PRH1: variants seen among roughly 807,000 people sequenced by gnomAD.
The protein encoded by PRH1 is salivary acidic proline-rich phosphoprotein 1/2.
A neutral mutation model predicts 7.9 loss-of-function variants in PRH1; 7 were observed. The observed-to-expected ratio is 0.89, with a 90% confidence interval of 0.50 to 1.67. The LOEUF (loss-of-function observed/expected upper bound fraction) is 1.67. Ranked by LOEUF, PRH1 falls within the 40% of genes most tolerant of loss-of-function variation. PRH1 has a pLI of 0.00. For missense variants in PRH1, 109 were observed against 223.6 expected (o/e 0.49, Z 3.27); for synonymous variants, 45 against 80.8 (o/e 0.56, Z 2.38).
At chr12:11,042,978 G>C (rs1312424599) in intron 1 of PRH1, among the ~76,000 whole-genome samples, 1 of 151,912 alleles carries the variant, frequency 6.6e-6, no homozygotes, top group Non-Finnish European at 1.5e-5. Flanking sequence ...ACCAGACAAA[G>C]ACACATTGAA....
chr12:11,047,905 TCAAA>T (rs2136140567), upstream of PRH1, among the ~76,000 whole-genome samples: 1 of 152,378 alleles, frequency 6.6e-6, no homozygotes, highest in South Asian at 2.1e-4. Context: ...AATTAGAGGT[TCAAA>T]CAATGATAGT....
intron 1 of PRH1, among the ~76,000 whole-genome samples, chr12:11,000,768 T>C (rs1371550125): frequency 6.6e-6 from 1 of 152,156 alleles, no homozygotes; most frequent in Admixed American, 6.6e-5. Flanking sequence ...TCTTTAGGCT[T>C]CTTTCTTTAT....
chr12:11,072,003 C>G (rs79665551), intron 1 of PRH1, among the ~76,000 whole-genome samples: 10 of 151,586 alleles, frequency 6.6e-5, no homozygotes, highest in Non-Finnish European at 1.0e-4. Flanking sequence ...TGAACCAGGC[C>G]TCACTCTTTT....
At chr12:10,931,917 G>A (rs1300325967) in intron 2 of PRH1, among the ~76,000 whole-genome samples, 1 of 151,860 alleles carries the variant, frequency 6.6e-6, no homozygotes, top group East Asian at 1.9e-4. Flanking sequence ...CTTTCACACT[G>A]TCCCTATTAC....
chr12:10,986,928 G>C, intron 1 of PRH1: 1 of 1,145,834 alleles, frequency 8.7e-7, no homozygotes, highest in Non-Finnish European at 1.2e-6. Context: ...TTAATACTCT[G>C]ACCTTAAATT....
intron 1 of PRH1, among the ~76,000 whole-genome samples, chr12:11,139,060 T>A (rs932677346): frequency 3.9e-4 from 60 of 152,160 alleles, no homozygotes; most frequent in African/African-American, 1.4e-3. Context: ...AAGTTTTAAA[T>A]TTTAACTTGT....
At chr12:11,118,126 G>C (rs1238724067), downstream of PRH1, among the ~76,000 whole-genome samples, 2 of 152,048 alleles carry the variant, frequency 1.3e-5, no homozygotes, top group Non-Finnish European at 1.5e-5. Context: ...AAAGTGAAGA[G>C]ACAATCCACA....
At chr12:11,083,531 AACAT>A (rs1465233402) in intron 1 of PRH1, among the ~76,000 whole-genome samples, 1 of 13,102 alleles carries the variant, frequency 7.6e-5, no homozygotes, top group Non-Finnish European at 2.4e-4. Context: ...TGTGAAACAT[AACAT>A]ACATATATAT....
intron 1 of PRH1, among the ~76,000 whole-genome samples, chr12:11,154,939 T>A (rs2136437426): frequency 6.6e-6 from 1 of 152,294 alleles, no homozygotes; most frequent in Admixed American, 6.5e-5. Context: ...ATTTTCAGTA[T>A]CATTTTCTGA....
intron 1 of PRH1, among the ~76,000 whole-genome samples, chr12:10,999,749 C>T (rs1282447318): frequency 2.0e-5 from 3 of 152,014 alleles, no homozygotes; most frequent in Non-Finnish European, 4.4e-5. Context: ...TATACTTTAC[C>T]AGCTAGGTTC....
At chr12:11,149,405 C>G (rs962471925) in intron 1 of PRH1, among the ~76,000 whole-genome samples, 6 of 152,120 alleles carry the variant, frequency 3.9e-5, no homozygotes, top group Admixed American at 3.3e-4. Context: ...ATCACGCTAC[C>G]TGACTTCAAA....
chr12:11,147,481 C>A (rs1946899413), intron 1 of PRH1, among the ~76,000 whole-genome samples: 1 of 152,170 alleles, frequency 6.6e-6, no homozygotes, highest in Non-Finnish European at 1.5e-5. Context: ...AGCCATGACA[C>A]CTGGCCAAAG....
intron 1 of PRH1, among the ~76,000 whole-genome samples, chr12:11,059,002 A>C (rs148605685): frequency 6.6e-6 from 1 of 152,154 alleles, no homozygotes; most frequent in African/African-American, 2.4e-5. Context: ...CTTGAATGGA[A>C]CACCACACTG....
chr12:10,910,608 G>A (rs10743935), intron 2 of PRH1, among the ~76,000 whole-genome samples: 74,703 of 152,026 alleles, frequency 0.49, 20,801 homozygotes, highest in East Asian at 0.72. Flanking sequence ...GCAGATAAGC[G>A]GGGACTAATG....
At chr12:11,150,880 A>G (rs1241414091) in intron 1 of PRH1, among the ~76,000 whole-genome samples, 1 of 152,172 alleles carries the variant, frequency 6.6e-6, no homozygotes, top group African/African-American at 2.4e-5. Flanking sequence ...ACCAGACTCC[A>G]TTATATATTG....
chr12:10,967,035 A>G (rs1038746884), intron 2 of PRH1, among the ~76,000 whole-genome samples: 18 of 151,172 alleles, frequency 1.2e-4, no homozygotes, highest in African/African-American at 4.4e-4. Flanking sequence ...GAATGGTGTG[A>G]ACCCCGGAGG....
chr12:11,163,830 A>G (rs61928607), intron 1 of PRH1, among the ~76,000 whole-genome samples: 112,726 of 151,404 alleles, frequency 0.74, 44,426 homozygotes, highest in East Asian at 0.96. Flanking sequence ...AAGTTTCTAA[A>G]ATCTCACATT....
At chr12:10,988,761 C>T (rs1004777592) in intron 1 of PRH1, among the ~76,000 whole-genome samples, 1 of 152,106 alleles carries the variant, frequency 6.6e-6, no homozygotes, top group Admixed American at 6.5e-5. Context: ...CCTTTCTTCA[C>T]ATACCCTGAG....
intron 1 of PRH1, chr12:10,973,818 G>C: frequency 1.5e-6 from 1 of 676,768 alleles, no homozygotes; most frequent in Non-Finnish European, 2.7e-6. Context: ...CCAGCACAAG[G>C]AGAGTCTTTA....
Sources: allele counts gnomAD v4.1 joint callset (sites outside exome capture counted in the v4.1 genomes callset), GRCh38; gene constraint gnomAD v4.1.1; transcripts MANE v1.5; gene names NCBI Gene and HGNC (gene_info 2026-07-23, HGNC 2026-07-21).